POLN: variants seen among roughly 807,000 people sequenced by gnomAD.
POLN encodes DNA polymerase N.
A neutral mutation model predicts 113.5 loss-of-function variants in POLN; 108 were observed. The ratio of observed to expected loss-of-function variants is 0.95; its 90% CI spans 0.81 to 1.12. The LOEUF (loss-of-function observed/expected upper bound fraction) is 1.12, where lower values mean the gene tolerates loss of function less well. Ranked by LOEUF, POLN falls within the 50% of genes most tolerant of loss-of-function variation. The pLI is 0.00. For missense variants in POLN, 1,097 were observed against 1,077.1 expected, an observed-to-expected ratio of 1.02 and a Z score of -0.26; for synonymous variants, 386 against 391.5, an observed-to-expected ratio of 0.99 and a Z score of 0.17.
chr4:2,211,289 TAATAATAATAAG>T (rs1733988470), intron 4 of POLN, among the ~76,000 whole-genome samples: 1 of 142,418 alleles, frequency 7.0e-6, no homozygotes, highest in South Asian at 2.1e-4. Context: ...ATAATAATAA[TAATAATAATAAG>T]AGGATTGTGG....
chr4:2,175,931 C>T (rs1056642248), intron 9 of POLN, among the ~76,000 whole-genome samples: 1 of 152,210 alleles, frequency 6.6e-6, no homozygotes, highest in Non-Finnish European at 1.5e-5. Flanking sequence ...CTGTCTGCTT[C>T]CCAGGAAGAC....
intron 13 of POLN, among the ~76,000 whole-genome samples, chr4:2,168,829 T>A (rs567882788): frequency 1.3e-5 from 2 of 152,322 alleles, no homozygotes; most frequent in South Asian, 4.1e-4. Context: ...ACACCACAGA[T>A]GCTGAGTTCA....
intron 20 of POLN, chr4:2,090,516 T>A: frequency 2.0e-6 from 1 of 509,304 alleles, no homozygotes; most frequent in South Asian, 2.6e-5. Context: ...CAGCTGTTGA[T>A]AGCAAAATAC....
At chr4:2,166,830 C>T (rs1168645321) in intron 13 of POLN, among the ~76,000 whole-genome samples, 1 of 152,168 alleles carries the variant, frequency 6.6e-6, no homozygotes, top group Non-Finnish European at 1.5e-5. Flanking sequence ...CTGAGCCACA[C>T]TATCAGCTTC....
At chr4:2,230,456 GA>G (rs376449515) in intron 2 of POLN, 2 of 151,728 alleles carry the variant, frequency 1.3e-5, no homozygotes, top group African/African-American at 4.8e-5. Context: ...AAATAGAATA[GA>G]AAAAAACATA....
At chr4:2,103,965 T>A (rs1730988357) in intron 19 of POLN, among the ~76,000 whole-genome samples, 1 of 152,214 alleles carries the variant, frequency 6.6e-6, no homozygotes, top group African/African-American at 2.4e-5. Context: ...CAAGAAATGC[T>A]CAAGGGAGTC....
Position 2,077,747 on chromosome 4 carries a change from G to A in POLN, c.2388-2228C>T, listed in dbSNP as rs531110877. On this transcript the variant is annotated intron_variant, in intron 23 of 25. Coordinates refer to ENST00000511885, the MANE Select transcript of POLN (RefSeq NM_181808.4). ...AGCTGCTGGTGTGGCAGGAACCTAA[G>A]AATAGGTGCAGTTGTCAGTCACTCA... Among the ~76,000 whole-genome samples the A allele has an allele frequency of 2.0e-3, 298 of 152,364 alleles. 1 individual carries two copies. The highest frequency in any genetic ancestry group is 0.01 in the Middle Eastern group (3 of 294).
In POLN at chr4:2,073,018, T is replaced by A. The variant is rs765270464; in HGVS notation, c.2467A>T (p.Arg823Trp). The A allele has an allele frequency of 3.1e-6, 5 of 1,613,456 alleles. No individual in the cohort carries two copies. In the Admixed American group the frequency reaches 8.3e-5, roughly 27 times the overall value. Residue 823 changes from arginine to tryptophan, a missense_variant, in exon 25 of 26, where the codon AGG becomes TGG. Coordinates refer to ENST00000511885, the MANE Select transcript of POLN (RefSeq NM_181808.4). ...QIPECAALVRRTMESLEQVQA... is the reference protein window; with the variant it reads ...QIPECAALVRWTMESLEQVQA... ...ACCTGTTCCAAGGACTCCATGGTCC[T>A]CCTGACGAGAGCTAGAGTGCGGAAG...
chr4:2,107,613 T>C (rs1347969773), intron 19 of POLN, among the ~76,000 whole-genome samples: 1 of 151,996 alleles, frequency 6.6e-6, no homozygotes, highest in East Asian at 1.9e-4. Context: ...GAAGGCCTGA[T>C]CTGAGGTTGT....
At chr4:2,084,462 G>C (rs1322300064) in intron 21 of POLN, among the ~76,000 whole-genome samples, 1 of 152,214 alleles carries the variant, frequency 6.6e-6, no homozygotes, top group Admixed American at 6.5e-5. Context: ...GGTTTACCAT[G>C]TCCCCCAAGG....
chr4:2,099,184 A>C (rs535727466), intron 19 of POLN, among the ~76,000 whole-genome samples: 28 of 152,376 alleles, frequency 1.8e-4, no homozygotes, highest in African/African-American at 6.0e-4. Flanking sequence ...CCCTGTTCTT[A>C]AGAAGACAAA....
intron 16 of POLN, among the ~76,000 whole-genome samples, chr4:2,151,382 C>T (rs1362922891): frequency 6.6e-6 from 1 of 152,126 alleles, no homozygotes; most frequent in Non-Finnish European, 1.5e-5. Flanking sequence ...ATGGTAGAAC[C>T]ACTCTGGAAA....
chr4:2,071,960 G>A lies in POLN; in HGVS notation c.*154C>T, dbSNP rs772922015. The A allele has an allele frequency of 4.8e-5, 41 of 850,834 alleles. No individual in the cohort carries two copies. Among genetic ancestry groups the A allele is most frequent in the Admixed American group, 1.5e-4 (8 of 52,376 alleles). The allele number at this position is 850,834 out of a possible 1,614,324, so 52.7% of individuals were successfully genotyped here. On this transcript the variant is annotated 3_prime_UTR_variant, in exon 26 of 26. Transcript: ENST00000511885. The surrounding 1 kb of genome is among the most constrained non-coding windows in gnomAD (Gnocchi z 5.2). ...AAGAATTCACTCAGACAAGGATGAGGAGGGCTTTGCACAGGCATTTACTCC... is the reference window on the plus strand; with the variant it reads ...AAGAATTCACTCAGACAAGGATGAGAAGGGCTTTGCACAGGCATTTACTCC...
chr4:2,219,642 C>A (rs1290862907), intron 3 of POLN, among the ~76,000 whole-genome samples: 2 of 152,128 alleles, frequency 1.3e-5, no homozygotes, highest in East Asian at 3.9e-4. Flanking sequence ...TTCATTATTG[C>A]TTCGGTAAAT....
intron 15 of POLN, 117 bp downstream of exon 15, chr4:2,157,741 A>C (rs910607103): frequency 4.1e-6 from 2 of 486,484 alleles, no homozygotes; most frequent in Admixed American, 8.1e-5. Context: ...AAAAAAAAAA[A>C]AAAAAGAATA....
intron 7 of POLN, among the ~76,000 whole-genome samples, chr4:2,185,125 A>G (rs911736185): frequency 4.6e-5 from 7 of 152,226 alleles, no homozygotes; most frequent in Admixed American, 4.6e-4. Flanking sequence ...AGGAACCTAG[A>G]CAATGACAAG....
intron 3 of POLN, among the ~76,000 whole-genome samples, chr4:2,223,878 T>C (rs1191617225): frequency 6.6e-6 from 1 of 152,228 alleles, no homozygotes; most frequent in South Asian, 2.1e-4. Flanking sequence ...GGAGTAAGTG[T>C]GAAACCTTAG....
At chr4:2,185,252 G>A (rs1330209161) in intron 7 of POLN, among the ~76,000 whole-genome samples, 1 of 152,168 alleles carries the variant, frequency 6.6e-6, no homozygotes, top group Non-Finnish European at 1.5e-5. Flanking sequence ...ATCTGATCAG[G>A]CATCTGGATC....
chr4:2,223,558 G>A (rs1235424430), intron 3 of POLN, among the ~76,000 whole-genome samples: 2 of 152,122 alleles, frequency 1.3e-5, no homozygotes, highest in South Asian at 2.1e-4. Flanking sequence ...AGTCCCTGGC[G>A]CCAAAAGGTT....
Sources: allele counts gnomAD v4.1 joint callset (sites outside exome capture counted in the v4.1 genomes callset), GRCh38; gene constraint gnomAD v4.1.1; non-coding constraint Gnocchi (gnomAD v3.1); transcripts MANE v1.5; gene names NCBI Gene and HGNC (gene_info 2026-07-23, HGNC 2026-07-21).